C4orf51: variants seen among roughly 807,000 people sequenced by gnomAD.
C4orf51 encodes uncharacterized protein C4orf51.
A neutral mutation model predicts 25.2 loss-of-function variants in C4orf51; 25 were observed. That is an observed-to-expected ratio of 0.99 (90% confidence interval 0.72 to 1.39). The LOEUF (loss-of-function observed/expected upper bound fraction) is 1.39. Ranked by LOEUF, C4orf51 falls within the 40% of genes most tolerant of loss-of-function variation. The probability of loss-of-function intolerance (pLI) is 0.00; values close to 1 mark genes in which losing one functional copy is unlikely to be tolerated. For missense variants in C4orf51, 252 were observed against 239.6 expected (o/e 1.05, Z -0.34); for synonymous variants, 100 against 84.5 (o/e 1.18, Z -1.01).
rs189083248 is a variant in C4orf51 at position 145,731,963 on chromosome 4, C to T, written c.502-490C>T. On this transcript the variant is annotated intron_variant, in intron 5 of 5. Coordinates refer to ENST00000438731, the MANE Select transcript of C4orf51 (RefSeq NM_001080531.3). Reference sequence around the variant, plus strand: ...CTGAGATATATAAATGCCCAATTTCCTGCATCAAAGCAATAAGTAGAGATT... The same window carrying T: ...CTGAGATATATAAATGCCCAATTTCTTGCATCAAAGCAATAAGTAGAGATT... Among the ~76,000 whole-genome samples the T allele has an allele frequency of 6.8e-4, 103 of 152,214 alleles. No individual in the cohort carries two copies. In the East Asian group the frequency reaches 0.017, roughly 25 times the overall value.
In C4orf51 at chr4:145,714,456, G is replaced by A. The variant is rs1394928942; in HGVS notation, c.308-12455G>A. On this transcript the variant is annotated intron_variant, in intron 2 of 5. Transcript: ENST00000438731. The stretch of plus-strand genomic sequence containing the variant: ...ACGTGTTCATTAGATCTCTAGACTT[G>A]TTCTTCCTACATATCTGCCACTATC... Among the ~76,000 whole-genome samples, 3 of 152,118 alleles carry A rather than the reference G, an allele frequency of 2.0e-5. No individual in the cohort carries two copies. In the East Asian group the frequency reaches 5.8e-4, roughly 29 times the overall value.
the C4orf51 span, among the ~76,000 whole-genome samples, chr4:145,776,114 A>G: frequency 6.6e-6 from 1 of 152,202 alleles, no homozygotes; most frequent in Non-Finnish European, 1.5e-5. Flanking sequence ...TAAGTATCTA[A>G]AAGTCTTTAC....
intron 2 of C4orf51, among the ~76,000 whole-genome samples, chr4:145,716,350 C>G (rs1053742386): frequency 6.6e-6 from 1 of 152,152 alleles, no homozygotes; most frequent in Non-Finnish European, 1.5e-5. Flanking sequence ...CACACGTGCT[C>G]TTTCTCCACT....
intron 2 of C4orf51, among the ~76,000 whole-genome samples, chr4:145,715,009 G>A (rs1276299929): frequency 1.3e-5 from 2 of 152,202 alleles, no homozygotes; most frequent in African/African-American, 2.4e-5. Context: ...GCTCACATTT[G>A]TGTGCTGTCT....
At chr4:145,681,069 G>A (rs1250523975) in intron 1 of C4orf51, among the ~76,000 whole-genome samples, 1 of 152,116 alleles carries the variant, frequency 6.6e-6, no homozygotes, top group African/African-American at 2.4e-5. Context: ...GGCGAGGTGG[G>A]GAATGGAAAA....
At chr4:145,790,424 G>A in the C4orf51 span, among the ~76,000 whole-genome samples, 1 of 152,112 alleles carries the variant, frequency 6.6e-6, no homozygotes, top group Non-Finnish European at 1.5e-5. Context: ...TCTGAGTTTA[G>A]AAAGTAAATC....
chr4:145,724,526 C>T (rs928776875), intron 2 of C4orf51, among the ~76,000 whole-genome samples: 1 of 151,982 alleles, frequency 6.6e-6, no homozygotes, highest in Admixed American at 6.5e-5. Flanking sequence ...AGCAAGACAC[C>T]CTTTCAGCAG....
chr4:145,700,420 G>A (rs924094582), intron 2 of C4orf51, among the ~76,000 whole-genome samples: 1 of 151,806 alleles, frequency 6.6e-6, no homozygotes, highest in Non-Finnish European at 1.5e-5. Flanking sequence ...TTCTCCCTTA[G>A]CCTGTGTTCT....
At chr4:145,695,909 G>A (rs969034025) in intron 1 of C4orf51, among the ~76,000 whole-genome samples, 2 of 152,174 alleles carry the variant, frequency 1.3e-5, no homozygotes, top group Non-Finnish European at 2.9e-5. Flanking sequence ...ACTAATGCAG[G>A]AACAGAAAAC....
chr4:145,716,517 AGAGAACACAATAGATT>A (rs1229074271), intron 2 of C4orf51, among the ~76,000 whole-genome samples: 1 of 152,250 alleles, frequency 6.6e-6, no homozygotes, highest in Non-Finnish European at 1.5e-5. Flanking sequence ...GATTTTGAGA[AGAGAACACAATAGATT>A]ATTTTCCATA....
In C4orf51 at chr4:145,763,793, C is replaced by T. The variant is rs1294252937; in HGVS notation, n.167-7195C>T. On this transcript the variant is annotated intron_variant and non_coding_transcript_variant, in intron 1 of 1. Transcript: ENST00000510096. This position sits in a 1 kb window ranked among gnomAD's most constrained non-coding sequence, Gnocchi z 4.6. ...AATCCCCAAATAAGCTCTTCCTAGG[C>T]ATTTCCCATCTACTGGTTTCCTTGA... 6.6e-6 allele frequency among the ~76,000 whole-genome samples: 1 copy of T among 152,238 alleles called. No individual in the cohort carries two copies. Among genetic ancestry groups the T allele is most frequent in the Admixed American group, 6.5e-5 (1 of 15,288 alleles).
intron 2 of C4orf51, among the ~76,000 whole-genome samples, chr4:145,711,598 T>C (rs10028369): frequency 0.074 from 11,203 of 152,208 alleles, 507 homozygotes; most frequent in Middle Eastern, 0.14. Flanking sequence ...TTTCCTCATT[T>C]CTTTTCATTC....
chr4:145,790,273 CTT>C, the C4orf51 span, among the ~76,000 whole-genome samples: 2 of 152,056 alleles, frequency 1.3e-5, no homozygotes, highest in African/African-American at 2.4e-5. Flanking sequence ...CCTCTTTTCT[CTT>C]GTTTGTCATT....
intron 2 of C4orf51, among the ~76,000 whole-genome samples, chr4:145,697,100 ATT>A (rs34220160): frequency 1.2e-3 from 169 of 139,322 alleles, no homozygotes; most frequent in Middle Eastern, 3.7e-3. Context: ...TCTCTTAGCA[ATT>A]TTTTTTTTTT....
At chr4:145,784,068 T>A in the C4orf51 span, among the ~76,000 whole-genome samples, 1 of 152,196 alleles carries the variant, frequency 6.6e-6, no homozygotes, top group Non-Finnish European at 1.5e-5. Context: ...ATGTAACATG[T>A]GCCTGCTTCC....
At chr4:145,769,734 C>T (rs1233574236) in intron 1 of C4orf51, among the ~76,000 whole-genome samples, 1 of 152,134 alleles carries the variant, frequency 6.6e-6, no homozygotes, top group South Asian at 2.1e-4. Flanking sequence ...TCTTCAGCAT[C>T]ACAAAGATCT....
intron 2 of C4orf51, among the ~76,000 whole-genome samples, chr4:145,696,864 T>G (rs1183770540): frequency 6.6e-6 from 1 of 152,036 alleles, no homozygotes; most frequent in Non-Finnish European, 1.5e-5. Context: ...GAAACCCATC[T>G]CTACCAAAAA....
At chr4:145,690,588 C>G (rs1014067861) in intron 1 of C4orf51, among the ~76,000 whole-genome samples, 1 of 152,126 alleles carries the variant, frequency 6.6e-6, no homozygotes, top group Non-Finnish European at 1.5e-5. Flanking sequence ...GAATTCATGG[C>G]TAAGTCCTCA....
intron 1 of C4orf51, among the ~76,000 whole-genome samples, chr4:145,691,904 C>A (rs1218368853): frequency 6.6e-6 from 1 of 152,200 alleles, no homozygotes; most frequent in Admixed American, 6.5e-5. Context: ...TGCACATGTA[C>A]CCCTTGAGTC....
Sources: allele counts gnomAD v4.1 joint callset (sites outside exome capture counted in the v4.1 genomes callset), GRCh38; gene constraint gnomAD v4.1.1; non-coding constraint Gnocchi (gnomAD v3.1); transcripts MANE v1.5; gene names NCBI Gene and HGNC (gene_info 2026-07-23, HGNC 2026-07-21).